The following CPXM2 variants were observed in gnomAD, a reference collection of about 807,000 sequenced individuals.
CPXM2 encodes the protein carboxypeptidase X, M14 family member 2.
In CPXM2, 66 loss-of-function variants were observed where a neutral mutation model predicts 86.1. The ratio of observed to expected loss-of-function variants is 0.77; its 90% confidence interval spans 0.63 to 0.94. The LOEUF is 0.94. CPXM2 is among the 40% of genes least tolerant of loss of function. CPXM2 has a pLI of 0.00. For missense variants in CPXM2, 948 were observed against 1,026.3 expected (o/e 0.92, Z 1.04); for synonymous variants, 388 against 400.2 (o/e 0.97, Z 0.36).
intron 4 of CPXM2, among the ~76,000 whole-genome samples, chr10:123,831,434 G>C (rs1848164247): frequency 6.6e-6 from 1 of 152,250 alleles, no homozygotes; most frequent in Non-Finnish European, 1.5e-5. Flanking sequence ...GCCAGGCATA[G>C]AGGAGGCTGG....
chr10:123,802,371 A>G lies in CPXM2; in HGVS notation c.654-3172T>C, dbSNP rs529745057. 3.3e-5 allele frequency among the ~76,000 whole-genome samples: 5 copies of G among 152,342 alleles called. No individual in the cohort carries two copies. In the East Asian group the frequency reaches 7.7e-4, roughly 24 times the overall value. ...CCGCCTTTGAACCACTGCCGAAATAAGCGTGATCACAGATGGGTCCTCTTG... is the reference window on the plus strand; with the variant it reads ...CCGCCTTTGAACCACTGCCGAAATAGGCGTGATCACAGATGGGTCCTCTTG... On this transcript the variant is annotated intron_variant, in intron 4 of 13. Coordinates refer to ENST00000241305, the MANE Select transcript of CPXM2 (RefSeq NM_198148.3).
intron 4 of CPXM2, among the ~76,000 whole-genome samples, chr10:123,803,307 T>G (rs965880751): frequency 3.3e-5 from 5 of 151,866 alleles, no homozygotes; most frequent in African/African-American, 1.2e-4. Context: ...AGATGGGGTT[T>G]TGCCATGTTG....
In CPXM2 at chr10:123,938,909, G is replaced by A. The variant is rs550272642; in HGVS notation, n.174+568C>T. Among the ~76,000 whole-genome samples the A allele has an allele frequency of 1.1e-4, 16 of 152,230 alleles. No homozygotes were observed. In the East Asian group the frequency reaches 3.1e-3, roughly 29 times the overall value. ...ACATAGGTGACCCAGGGACACAGGT[G>A]GATCACAGCCCAGGTACTTCCATAG... On this transcript the variant is annotated intron_variant and non_coding_transcript_variant, in intron 2 of 19. Coordinates refer to the CPXM2 transcript ENST00000368854.
intron 4 of CPXM2, among the ~76,000 whole-genome samples, chr10:123,827,904 C>T (rs1590042501): frequency 6.6e-6 from 1 of 152,164 alleles, no homozygotes; most frequent in African/African-American, 2.4e-5. Context: ...TGGCTCACAC[C>T]TGTAATCCCA....
Position 123,812,957 on chromosome 10 carries a change from C to T in CPXM2, c.654-13758G>A, listed in dbSNP as rs1003076840. Among the ~76,000 whole-genome samples, 8 of 152,204 alleles carry T rather than the reference C, an allele frequency of 5.3e-5. No individual in the cohort carries two copies. In the East Asian group the frequency reaches 7.7e-4, roughly 15 times the overall value. ...TTCATGAGCATTGGTTTTATTGTAA[C>T]GCTTAATACCTTACACATATATTAT... On this transcript the variant is annotated intron_variant, in intron 4 of 13. Coordinates refer to ENST00000241305, the MANE Select transcript of CPXM2 (RefSeq NM_198148.3).
chr10:123,850,632 C>G (rs1848580631), intron 3 of CPXM2, among the ~76,000 whole-genome samples: 1 of 152,074 alleles, frequency 6.6e-6, no homozygotes, highest in Non-Finnish European at 1.5e-5. Context: ...TAATAATGGC[C>G]CCACAATGCA....
At position 123,891,228 on chromosome 10, in the gene CPXM2, A is replaced by T; in HGVS notation, c.304+128T>A. 1.3e-6 allele frequency: 1 copy of T among 763,994 alleles called. No homozygotes were observed. Among genetic ancestry groups the T allele is most frequent in the Non-Finnish European group, 2.0e-6 (1 of 495,062 alleles). 47.3% of individuals were successfully genotyped at this position (763,994 alleles called of 1,614,324 possible). A position where few individuals can be genotyped will look rare whatever the true frequency, so the allele number is the denominator to read the frequency against. On this transcript the variant is annotated intron_variant, in intron 1 of 13. Transcript: ENST00000241305. The surrounding 1 kb of genome is among the most constrained non-coding windows in gnomAD (Gnocchi z 5.6). ...GCAGATACAGTCCCTAGGGAGGCAG[A>T]GGCGGCAACAGGGAGATTCCCGGGA...
At chr10:123,819,644 T>C (rs777428889) in intron 4 of CPXM2, among the ~76,000 whole-genome samples, 5 of 152,232 alleles carry the variant, frequency 3.3e-5, no homozygotes, top group Non-Finnish European at 5.9e-5. Context: ...CTTTATGTAA[T>C]AGTATTTGGG....
At chr10:123,854,426 ATATATATAATATACTTT>A (rs1848675109) in intron 3 of CPXM2, among the ~76,000 whole-genome samples, 1 of 119,100 alleles carries the variant, frequency 8.4e-6, no homozygotes, top group Non-Finnish European at 1.7e-5. Context: ...AATATATAAT[ATATATATAATATACTTT>A]TATATATAAT....
intron 1 of CPXM2, among the ~76,000 whole-genome samples, chr10:123,890,796 G>C (rs1446515308): frequency 6.6e-6 from 1 of 152,146 alleles, no homozygotes; most frequent in African/African-American, 2.4e-5. Context: ...CAGACTCCAG[G>C]CACAGACTCC....
At chr10:123,784,187 G>T (rs1212865175) in intron 6 of CPXM2, among the ~76,000 whole-genome samples, 2 of 152,164 alleles carry the variant, frequency 1.3e-5, no homozygotes, top group Admixed American at 6.5e-5. Context: ...GACACACACA[G>T]GGGGAACACC....
upstream of CPXM2, among the ~76,000 whole-genome samples, chr10:123,893,543 T>G (rs1945306789): frequency 6.6e-6 from 1 of 152,104 alleles, no homozygotes; most frequent in Admixed American, 6.5e-5. Context: ...GAGGCCTTGG[T>G]CCTGCCTGTC....
chr10:123,926,823 CTG>C (rs770641753), intron 2 of CPXM2, among the ~76,000 whole-genome samples: 19 of 152,218 alleles, frequency 1.2e-4, no homozygotes, highest in Non-Finnish European at 2.8e-4. Context: ...TTCTGAGCTG[CTG>C]TGTCTGCCCT....
chr10:123,823,885 G>A (rs1016402646), intron 4 of CPXM2, among the ~76,000 whole-genome samples: 1 of 152,188 alleles, frequency 6.6e-6, no homozygotes, highest in African/African-American at 2.4e-5. Context: ...GACCAGAATT[G>A]AAACTGAGAA....
At chr10:123,850,587 G>A (rs1282630157) in intron 3 of CPXM2, among the ~76,000 whole-genome samples, 2 of 152,170 alleles carry the variant, frequency 1.3e-5, no homozygotes, top group Admixed American at 1.3e-4. Context: ...CAAAGAGCTG[G>A]TATTGCGGTG....
At chr10:123,857,622 GGCGGC>G (rs879637301) in intron 3 of CPXM2, among the ~76,000 whole-genome samples, 13,199 of 141,928 alleles carry the variant, frequency 0.093, 833 homozygotes, top group Middle Eastern at 0.12. Flanking sequence ...GGAGATGGAA[GGCGGC>G]GTGGAGATGG....
At chr10:123,798,491 G>C (rs557857275) in intron 5 of CPXM2, among the ~76,000 whole-genome samples, 1 of 152,272 alleles carries the variant, frequency 6.6e-6, no homozygotes, top group South Asian at 2.1e-4. Flanking sequence ...TAGATCCGTA[G>C]GGATGAGAGG....
intron 6 of CPXM2, among the ~76,000 whole-genome samples, chr10:123,783,846 T>C (rs1846989959): frequency 6.6e-6 from 1 of 152,220 alleles, no homozygotes; most frequent in African/African-American, 2.4e-5. Flanking sequence ...TGGTTACTTC[T>C]ATACCTCCTG....
intron 3 of CPXM2, 59 bp downstream of exon 3, chr10:123,862,555 C>A (rs376798519): frequency 2.7e-6 from 4 of 1,472,928 alleles, no homozygotes; most frequent in Non-Finnish European, 2.9e-6. Flanking sequence ...GATCCAAGCT[C>A]AAGGAACCAG....
Sources: allele counts gnomAD v4.1 joint callset (sites outside exome capture counted in the v4.1 genomes callset), GRCh38; gene constraint gnomAD v4.1.1; non-coding constraint Gnocchi (gnomAD v3.1); transcripts MANE v1.5; gene names NCBI Gene and HGNC (gene_info 2026-07-23, HGNC 2026-07-21).